COL7A1: variants seen among roughly 807,000 people sequenced by gnomAD.
The protein encoded by COL7A1 is collagen type VII alpha 1 chain.
Under a neutral mutation model 456.2 loss-of-function variants are expected in COL7A1, and 296 were observed. That is an observed-to-expected ratio of 0.65 (90% CI 0.59 to 0.71). The LOEUF (loss-of-function observed/expected upper bound fraction) is 0.71. Ranked by LOEUF, COL7A1 falls within the 30% of genes least tolerant of loss-of-function variation. The probability of loss-of-function intolerance (pLI) is 0.00; values close to 1 mark genes in which losing one functional copy is unlikely to be tolerated. For missense variants in COL7A1, 3,441 were observed against 4,017.2 expected (o/e 0.86, Z 3.88); for synonymous variants, 1,464 against 1,525.9 (o/e 0.96, Z 0.95).
intron 66 of COL7A1, 24 bp downstream of exon 66, chr3:48,576,968 G>A: frequency 6.2e-7 from 1 of 1,613,998 alleles, no homozygotes; most frequent in South Asian, 1.1e-5. Context: ...AGAGACCAGA[G>A]AGACCCCAGG....
At chr3:48,582,211 CAG>C (rs1286212571) in intron 47 of COL7A1, 110 bp downstream of exon 47, 36 of 1,585,080 alleles carry the variant, frequency 2.3e-5, no homozygotes, top group Admixed American at 3.3e-5. Flanking sequence ...GCAGAGCTCC[CAG>C]CCTGCTCACG....
rs1433497206 is a variant in COL7A1, at chr3:48,591,082, A to T, written c.1637-266T>A. Reference sequence around the variant, plus strand: ...AGGATGACAGGAGTCAGTGGACTGCAGTGAGAACTGATGAGCCATTGACAG... The same window carrying T: ...AGGATGACAGGAGTCAGTGGACTGCTGTGAGAACTGATGAGCCATTGACAG... On this transcript the variant is annotated intron_variant, in intron 13 of 118. Transcript: ENST00000681320. The surrounding 1 kb of genome is among the most constrained non-coding windows in gnomAD (Gnocchi z 7.0). Among the ~76,000 whole-genome samples the T allele has an allele frequency of 1.3e-5, 2 of 152,208 alleles. No individual in the cohort carries two copies. The highest frequency in any genetic ancestry group is 1.3e-4 in the Admixed American group (2 of 15,282).
Position 48,575,829 on chromosome 3 carries a change from C to A in COL7A1, c.5856+38G>T. On this transcript the variant is annotated intron_variant, in intron 72 of 118. Coordinates refer to ENST00000681320, the MANE Select transcript of COL7A1 (RefSeq NM_000094.4). This position sits in a 1 kb window ranked among gnomAD's most constrained non-coding sequence, Gnocchi z 6.3. Reference sequence around the variant, plus strand: ...TGTGGGCACCACTAGCCCCAAGGGCCCCCACTTGTCCCTACCCCCAGCCCC... The same window carrying A: ...TGTGGGCACCACTAGCCCCAAGGGCACCCACTTGTCCCTACCCCCAGCCCC... The A allele has an allele frequency of 6.2e-7, 1 of 1,614,106 alleles. No homozygotes were observed. Among genetic ancestry groups the A allele is most frequent in the Non-Finnish European group, 8.5e-7 (1 of 1,180,016 alleles).
At position 48,591,890 on chromosome 3, in the gene COL7A1, G is replaced by T. The variant is rs368098361; in HGVS notation, c.1357+8C>A. 9 of 1,613,980 alleles carry T rather than the reference G, an allele frequency of 5.6e-6. No individual in the cohort carries two copies. In the East Asian group the frequency reaches 2.0e-4, roughly 36 times the overall value. Reference sequence around the variant, plus strand: ...CCCTTGCCTGTCCATCCCTTCCCCCGCACTGACCAGTCTCACGCCGCCATT... The same window carrying T: ...CCCTTGCCTGTCCATCCCTTCCCCCTCACTGACCAGTCTCACGCCGCCATT... On this transcript the variant is annotated splice_region_variant and intron_variant, in intron 11 of 118. Coordinates refer to ENST00000681320, the MANE Select transcript of COL7A1 (RefSeq NM_000094.4). This position sits in a 1 kb window ranked among gnomAD's most constrained non-coding sequence, Gnocchi z 7.0.
chr3:48,573,519 G>T lies in COL7A1; in HGVS notation c.6612C>A (p.Gly2204=). 6.2e-7 allele frequency: 1 copy of T among 1,614,070 alleles called. No individual in the cohort carries two copies. Among genetic ancestry groups the T allele is most frequent in the Non-Finnish European group, 8.5e-7 (1 of 1,180,010 alleles). The change falls in exon 83 of 119, where the codon GGC becomes GGA. Residue 2204 remains glycine (G), a synonymous_variant. Transcript: ENST00000681320. This position sits in a 1 kb window ranked among gnomAD's most constrained non-coding sequence, Gnocchi z 5.5. The stretch of plus-strand genomic sequence containing the variant: ...TCCACACACCTAGACTCACCTTCAG[G>T]CCAGAAGGTCCTTGGGGTCCTGCAG... ...AGPAGPQGPS[G]LKGEPGETGP...
Position 48,570,667 on chromosome 3 carries a change from A to C in COL7A1, c.7316T>G (p.Leu2439Arg). ...TGACCCCGGTGGTCCAGGTGGCCCCAGGGGTCCTGGGATTCCTTCTCTCCC... is the reference window on the plus strand; with the variant it reads ...TGACCCCGGTGGTCCAGGTGGCCCCCGGGGTCCTGGGATTCCTTCTCTCCC... ...PPGREGIPGP[L>R]GPPGPPGSVG... The change falls in exon 96 of 119, where the codon CTG (leucine) becomes CGG (arginine). Residue 2439 changes from leucine (L) to arginine (R), a missense_variant. This residue lies in a region of COL7A1 where 2,084 missense variants were observed against 2,501.3 expected (regional missense o/e 0.83). Transcript: ENST00000681320. The surrounding 1 kb of genome is among the most constrained non-coding windows in gnomAD (Gnocchi z 5.5). 1.9e-6 allele frequency: 3 copies of C among 1,595,192 alleles called. No individual in the cohort carries two copies. Among genetic ancestry groups the C allele is most frequent in the Non-Finnish European group, 2.6e-6 (3 of 1,170,090 alleles).
chr3:48,586,820 G>C lies in COL7A1; in HGVS notation c.3277-131C>G, dbSNP rs778007718. 3.2e-5 allele frequency: 48 copies of C among 1,503,338 alleles called. 2 individuals are homozygous for C. In the Middle Eastern group the frequency reaches 3.4e-3, roughly 106 times the overall value. 93.1% of individuals were successfully genotyped at this position (1,503,338 alleles called of 1,614,324 possible). On this transcript the variant is annotated intron_variant, in intron 25 of 118. Coordinates refer to ENST00000681320, the MANE Select transcript of COL7A1 (RefSeq NM_000094.4). This position sits in a 1 kb window ranked among gnomAD's most constrained non-coding sequence, Gnocchi z 5.1. ...ATTAGGGAGTCAGCAGTGATGGCAGGATAGGGAGCCAGGCAGTAGGTGAGG... is the reference window on the plus strand; with the variant it reads ...ATTAGGGAGTCAGCAGTGATGGCAGCATAGGGAGCCAGGCAGTAGGTGAGG...
In COL7A1 at chr3:48,587,232, C is replaced by T. The variant is rs1392726158; in HGVS notation, c.3097G>A (p.Asp1033Asn). The T allele has an allele frequency of 3.1e-6, 5 of 1,613,474 alleles. No homozygotes were observed. In the Admixed American group the frequency reaches 5.0e-5, roughly 16 times the overall value. Residue 1033 changes from aspartate (D) to asparagine (N), a missense_variant, in exon 24 of 119, where the codon GAT (aspartate) becomes AAT (asparagine). Asp to Asn is a conservative substitution (Grantham distance 23). This residue lies in a region of COL7A1 where 444 missense variants were observed against 427.6 expected (regional missense o/e 1.04). Coordinates refer to ENST00000681320, the MANE Select transcript of COL7A1 (RefSeq NM_000094.4). This position sits in a 1 kb window ranked among gnomAD's most constrained non-coding sequence, Gnocchi z 6.1. ...GATGCCTCAGGACCCCGCACACCAT[C>T]CAGGACAGGCGTCAGGGAGAAGATG... ...SYIFSLTPVL[D>N]GVRGPEASVT...
Position 48,578,912 on chromosome 3 carries a change from C to A in COL7A1, c.5424+7G>T, listed in dbSNP as rs1460635782. 3 of 1,613,676 alleles carry A rather than the reference C, an allele frequency of 1.9e-6. No individual in the cohort carries two copies. In the East Asian group the frequency reaches 6.7e-5, roughly 36 times the overall value. On this transcript the variant is annotated splice_region_variant and intron_variant, in intron 63 of 118. Coordinates refer to ENST00000681320, the MANE Select transcript of COL7A1 (RefSeq NM_000094.4). The surrounding 1 kb of genome is among the most constrained non-coding windows in gnomAD (Gnocchi z 4.7). ...CCCCCTCTGTCCCAGCATCTCCCCT[C>A]ACTTACGTCTCTCCCTGGGTCCCCA...
In COL7A1 at chr3:48,575,497, G is replaced by C. The variant is rs1055680335; in HGVS notation, c.6022C>G (p.Arg2008Gly). ...FPGERGLKGDRGDPGPQGPPG... is the reference protein window; with the variant it reads ...FPGERGLKGDGGDPGPQGPPG... Reference sequence around the variant, plus strand: ...GGCCCCTGAGGGCCAGGGTCTCCACGGTCGCCCTTCAGCCCGCGTTCTCCA... The same window carrying C: ...GGCCCCTGAGGGCCAGGGTCTCCACCGTCGCCCTTCAGCCCGCGTTCTCCA... Residue 2008 changes from arginine to glycine, a missense_variant, in exon 74 of 119, where the codon CGT (arginine) becomes GGT (glycine). Physicochemically the swap from Arg to Gly is moderately radical, Grantham distance 125. Transcript: ENST00000681320. The surrounding 1 kb of genome is among the most constrained non-coding windows in gnomAD (Gnocchi z 6.3). The C allele has an allele frequency of 6.2e-7, 1 of 1,612,364 alleles. No individual in the cohort carries two copies. The highest frequency in any genetic ancestry group is 8.5e-7 in the Non-Finnish European group (1 of 1,179,754).
chr3:48,593,832 C>A lies in COL7A1; in HGVS notation c.267-136G>T, dbSNP rs762251627. ...CCCTTCGTTCTGTCATTCTCCACAC[C>A]CACTTGCCTCTGGAACCCCCAGGTT... On this transcript the variant is annotated intron_variant, in intron 3 of 118. Coordinates refer to ENST00000681320, the MANE Select transcript of COL7A1 (RefSeq NM_000094.4). This position sits in a 1 kb window ranked among gnomAD's most constrained non-coding sequence, Gnocchi z 4.4. The A allele has an allele frequency of 1.4e-4, 146 of 1,064,992 alleles. No individual in the cohort carries two copies. The highest frequency in any genetic ancestry group is 1.8e-4 in the Non-Finnish European group (130 of 705,206). The allele number at this position is 1,064,992 out of a possible 1,614,324, so 66.0% of individuals were successfully genotyped here. A position where few individuals can be genotyped will look rare whatever the true frequency, so the allele number is the denominator to read the frequency against.
Position 48,568,411 on chromosome 3 carries a change from G to T in COL7A1, c.7794+88C>A. On this transcript the variant is annotated intron_variant, in intron 105 of 118. Coordinates refer to ENST00000681320, the MANE Select transcript of COL7A1 (RefSeq NM_000094.4). This position sits in a 1 kb window ranked among gnomAD's most constrained non-coding sequence, Gnocchi z 5.2. ...CCATGAGAGCACTGGGTCACTATAA[G>T]GTCAAAAGCTACCACACTGGTGGGA... 1.4e-6 allele frequency: 2 copies of T among 1,387,218 alleles called. No individual in the cohort carries two copies. Among genetic ancestry groups the T allele is most frequent in the South Asian group, 1.3e-5 (1 of 78,894 alleles). The allele number at this position is 1,387,218 out of a possible 1,614,324, so 85.9% of individuals were successfully genotyped here.
chr3:48,590,211 AC>A lies in COL7A1; in HGVS notation c.2050+1del, dbSNP rs2045592605. The A allele has an allele frequency of 6.2e-7, 1 of 1,611,648 alleles. No homozygotes were observed. Among genetic ancestry groups the A allele is most frequent in the Non-Finnish European group, 8.5e-7 (1 of 1,179,274 alleles). On this transcript the variant is annotated splice_donor_variant, in intron 16 of 118. Transcript: ENST00000681320. LOFTEE classifies it high-confidence loss of function. This position sits in a 1 kb window ranked among gnomAD's most constrained non-coding sequence, Gnocchi z 4.6. ...AGCCAAGGGACGGGGGCAGGGCCTG[AC>A]CCGTTCGAGCCACGATGACTGCAGC...
rs762085901 is a variant in COL7A1 at position 48,578,519 on chromosome 3, GAA to G, written c.5425-6_5425-5del. ...CTCCACGGAGGCCTGGAAGCCCCTG[GAA>G]AAAGTCTTTGTTAAGATTTATAGGG... is the stretch of plus-strand genomic sequence containing the variant. On this transcript the variant is annotated splice_polypyrimidine_tract_variant and splice_region_variant and intron_variant, in intron 63 of 118. Coordinates refer to ENST00000681320, the MANE Select transcript of COL7A1 (RefSeq NM_000094.4). This position sits in a 1 kb window ranked among gnomAD's most constrained non-coding sequence, Gnocchi z 4.7. The G allele has an allele frequency of 1.0e-4, 161 of 1,611,468 alleles. No homozygotes were observed. Among genetic ancestry groups the G allele is most frequent in the Non-Finnish European group, 1.3e-4 (154 of 1,179,890 alleles).
In COL7A1 at chr3:48,579,575, C is replaced by T. The variant is rs374275376; in HGVS notation, c.5235+13G>A. 1.2e-6 allele frequency: 2 copies of T among 1,613,796 alleles called. No individual in the cohort carries two copies. Among genetic ancestry groups the T allele is most frequent in the African/African-American group, 1.3e-5 (1 of 74,908 alleles). ...CTCCCATGCCTGCACCCCCGAGGAC[C>T]AATCACACTCACCCTTTCCCCAGGG... On this transcript the variant is annotated intron_variant, in intron 59 of 118. Transcript: ENST00000681320. This position sits in a 1 kb window ranked among gnomAD's most constrained non-coding sequence, Gnocchi z 4.4.
chr3:48,572,902 G>A lies in COL7A1; in HGVS notation c.6791C>T (p.Ala2264Val). The A allele has an allele frequency of 6.2e-7, 1 of 1,613,898 alleles. No individual in the cohort carries two copies. The change falls in exon 87 of 119, where the codon GCC becomes GTC. Residue 2264 changes from alanine (A) to valine (V), a missense_variant. This residue lies in a region of COL7A1 where 2,084 missense variants were observed against 2,501.3 expected (regional missense o/e 0.83). Coordinates refer to ENST00000681320, the MANE Select transcript of COL7A1 (RefSeq NM_000094.4). This position sits in a 1 kb window ranked among gnomAD's most constrained non-coding sequence, Gnocchi z 4.6. The part of the protein sequence containing the change: ...GKPGAPGRDG[A>V]SGKDGDRGSP... ...CCCTCTGTCTCCATCTTTTCCACTG[G>A]CACCATCTCGACCTGGGGCTCCCGG...
At position 48,575,794 on chromosome 3, in the gene COL7A1, C is replaced by G; in HGVS notation, c.5857-46G>C. 6.2e-7 allele frequency: 1 copy of G among 1,614,050 alleles called. No homozygotes were observed. The highest frequency in any genetic ancestry group is 8.5e-7 in the Non-Finnish European group (1 of 1,180,012). On this transcript the variant is annotated intron_variant, in intron 72 of 118. Transcript: ENST00000681320. The surrounding 1 kb of genome is among the most constrained non-coding windows in gnomAD (Gnocchi z 6.3). ...AGAGGAGCGGGGTGCGTCGCCGCAG[C>G]CCCTATGCCTGTGGGCACCACTAGC... is the stretch of plus-strand genomic sequence containing the variant.
In COL7A1 at chr3:48,565,145, C is replaced by T. The variant is rs1262728824; in HGVS notation, c.8584G>A (p.Glu2862Lys). Residue 2862 changes from glutamate to lysine, a missense_variant, in exon 117 of 119, where the codon GAG becomes AAG. Physicochemically the swap from Glu to Lys is moderately conservative, Grantham distance 56 (BLOSUM62 1). Coordinates refer to ENST00000681320, the MANE Select transcript of COL7A1 (RefSeq NM_000094.4). The surrounding 1 kb of genome is among the most constrained non-coding windows in gnomAD (Gnocchi z 4.5). ...YSEYSEYSVEEYQDPEAPWDS... is the reference protein window; with the variant it reads ...YSEYSEYSVEKYQDPEAPWDS... Reference sequence around the variant, plus strand: ...CAAGGAGCTTCAGGGTCCTGGTACTCCTCCACAGAATACTCGGAGTATTCA... The same window carrying T: ...CAAGGAGCTTCAGGGTCCTGGTACTTCTCCACAGAATACTCGGAGTATTCA... 3.7e-6 allele frequency: 6 copies of T among 1,614,168 alleles called. No homozygotes were observed. The South Asian group carries it at 6.6e-5, about 18-fold the overall frequency.
In COL7A1 at chr3:48,579,399, G is replaced by A; in HGVS notation, c.5277C>T (p.Asp1759=). The A allele has an allele frequency of 1.2e-6, 2 of 1,614,200 alleles. No individual in the cohort carries two copies. Among genetic ancestry groups the A allele is most frequent in the East Asian group, 2.2e-5 (1 of 44,882 alleles). ...CTCCTGCTGGGCCTCGGACACCTGG[G>A]TCCCCCTGGAGGGAACAGGGTCAGA... The part of the protein sequence containing the change: ...GFRGPPGPQG[D]PGVRGPAGEK... The change falls in exon 61 of 119, where the codon GAC becomes GAT. Residue 1759 remains aspartate (D), a synonymous_variant. Coordinates refer to ENST00000681320, the MANE Select transcript of COL7A1 (RefSeq NM_000094.4). This position sits in a 1 kb window ranked among gnomAD's most constrained non-coding sequence, Gnocchi z 4.4.
Sources: gnomAD v4.1 joint callset for allele counts (sites outside exome capture counted in the v4.1 genomes callset) on GRCh38, gnomAD v4.1.1 for gene constraint, gnomAD v4.1.1 regional missense constraint, Gnocchi (gnomAD v3.1) non-coding constraint, MANE v1.5 for transcripts, NCBI Gene and HGNC (gene_info 2026-07-23, HGNC 2026-07-21) for gene names.